MACROD2: variants seen among roughly 807,000 people sequenced by gnomAD.
The protein encoded by MACROD2 is mono-ADP ribosylhydrolase 2, also known as ADP-ribose glycohydrolase MACROD2.
Under a neutral mutation model 70.4 loss-of-function variants are expected in MACROD2, and 36 were observed. The observed-to-expected ratio is 0.51, with a 90% CI of 0.39 to 0.68. MACROD2 has a LOEUF of 0.68. MACROD2 is among the 30% of genes least tolerant of loss of function. The probability of loss-of-function intolerance (pLI) is 0.00; values close to 1 mark genes in which losing one functional copy is unlikely to be tolerated. For synonymous variants in MACROD2, 172 were observed against 178.8 expected (o/e 0.96, Z 0.30); for missense variants, 496 against 538.4 (o/e 0.92, Z 0.78).
In MACROD2 at chr20:15,841,892, A is replaced by G. The variant is rs148674508; in HGVS notation, c.646-20853A>G. Among the ~76,000 whole-genome samples, 238 of 152,302 alleles carry G rather than the reference A, an allele frequency of 1.6e-3. 3 individuals carry two copies. The highest frequency in any genetic ancestry group is 2.4e-3 in the Non-Finnish European group (163 of 68,018). ...TGCAAAAAATTAAACAAGAGGGTTC[A>G]GTTCTACCCCATTTCCTCTTATATA... On this transcript the variant is annotated intron_variant, in intron 8 of 17. Coordinates refer to ENST00000684519, the MANE Select transcript of MACROD2 (RefSeq NM_001351661.2).
At chr20:14,015,438 C>G (rs950309169) in intron 2 of MACROD2, among the ~76,000 whole-genome samples, 5 of 152,076 alleles carry the variant, frequency 3.3e-5, no homozygotes, top group Non-Finnish European at 7.4e-5. Context: ...TCAAAAAAAA[C>G]TGGTGGTGTG....
chr20:14,936,540 A>C (rs2423856), intron 5 of MACROD2, among the ~76,000 whole-genome samples: 9,260 of 152,148 alleles, frequency 0.061, 294 homozygotes, highest in African/African-American at 0.074. Flanking sequence ...GATAAACCAA[A>C]GCTTTACTAG....
Position 15,310,856 on chromosome 20 carries a change from C to G in MACROD2, c.540+80795C>G, listed in dbSNP as rs181770236. The stretch of plus-strand genomic sequence containing the variant: ...ACAGGAAGATCAACTATGGCTAGCC[C>G]GTTTGCACTATATCCCAAAGGAACC... On this transcript the variant is annotated intron_variant, in intron 6 of 17. Transcript: ENST00000684519. Among the ~76,000 whole-genome samples the G allele has an allele frequency of 2.0e-5, 3 of 152,198 alleles. No individual in the cohort carries two copies. The South Asian group carries it at 6.2e-4, about 32-fold the overall frequency.
chr20:14,563,129 C>A (rs944004003), intron 4 of MACROD2, among the ~76,000 whole-genome samples: 3 of 151,902 alleles, frequency 2.0e-5, no homozygotes, highest in East Asian at 2.0e-4. Context: ...CACATTCCAG[C>A]CCTCCTAATT....
chr20:15,975,150 T>G (rs2066287192), intron 13 of MACROD2, among the ~76,000 whole-genome samples: 1 of 152,116 alleles, frequency 6.6e-6, no homozygotes, highest in African/African-American at 2.4e-5. Flanking sequence ...TATGAAGAGA[T>G]GCCCTATCTC....
intron 6 of MACROD2, among the ~76,000 whole-genome samples, chr20:15,289,545 G>A (rs2077522935): frequency 2.0e-5 from 3 of 152,200 alleles, no homozygotes; most frequent in African/African-American, 4.8e-5. Flanking sequence ...TCGCACTTCA[G>A]GATGAAACAA....
chr20:14,074,363 C>G (rs190023244), intron 2 of MACROD2, among the ~76,000 whole-genome samples: 15 of 152,266 alleles, frequency 9.9e-5, no homozygotes, highest in Admixed American at 4.6e-4. Flanking sequence ...TCCTGGATCT[C>G]TCATCCAGGA....
intron 3 of MACROD2, among the ~76,000 whole-genome samples, chr20:14,333,510 A>G (rs528321915): frequency 6.8e-4 from 103 of 152,278 alleles, no homozygotes; most frequent in African/African-American, 2.3e-3. Context: ...GGTGAAGGTA[A>G]GTGGTGCAGA....
At chr20:15,995,161 A>G (rs1216568273) in intron 15 of MACROD2, among the ~76,000 whole-genome samples, 1 of 152,076 alleles carries the variant, frequency 6.6e-6, no homozygotes, top group Admixed American at 6.6e-5. Context: ...CACATTGTAT[A>G]ACTAAGAAAG....
chr20:15,253,820 T>A (rs2077175783), intron 6 of MACROD2, among the ~76,000 whole-genome samples: 1 of 152,202 alleles, frequency 6.6e-6, no homozygotes, highest in Non-Finnish European at 1.5e-5. Context: ...ATTGGAATAT[T>A]ACTTCAAATT....
rs186748744 is a variant in MACROD2 at position 14,997,248 on chromosome 20, C to G, written c.419-232692C>G. On this transcript the variant is annotated intron_variant, in intron 5 of 17. Coordinates refer to ENST00000684519, the MANE Select transcript of MACROD2 (RefSeq NM_001351661.2). ...AGTAAAATAAAGCACCAGGCAGAGT[C>G]CTGAGGCCCCCATTCTGGGCCCTAG... is the stretch of plus-strand genomic sequence containing the variant. Among the ~76,000 whole-genome samples, 570 of 152,280 alleles carry G rather than the reference C, an allele frequency of 3.7e-3. 4 individuals carry two copies. Among genetic ancestry groups the G allele is most frequent in the African/African-American group, 0.013 (552 of 41,536 alleles).
intron 8 of MACROD2, among the ~76,000 whole-genome samples, chr20:15,743,873 T>G (rs2146968699): frequency 6.6e-6 from 1 of 152,312 alleles, no homozygotes; most frequent in Non-Finnish European, 1.5e-5. Context: ...GAATATCAAC[T>G]TATACAAAAA....
chr20:14,910,701 C>A (rs1005218452), intron 5 of MACROD2, among the ~76,000 whole-genome samples: 1 of 152,148 alleles, frequency 6.6e-6, no homozygotes, highest in Admixed American at 6.5e-5. Context: ...ACTGCTCTTT[C>A]TTTGCATCTT....
In MACROD2 at chr20:14,366,202, T is replaced by A. The variant is rs575122021; in HGVS notation, c.272-127277T>A. On this transcript the variant is annotated intron_variant, in intron 3 of 17. Transcript: ENST00000684519. ...TTTATTGTTAAAAGCAGTGCATGGA[T>A]GTCTTCCACGATTATTGTATAATTG... 5.3e-5 allele frequency among the ~76,000 whole-genome samples: 8 copies of A among 152,288 alleles called. No individual in the cohort carries two copies. In the South Asian group the frequency reaches 1.7e-3, roughly 32 times the overall value.
At chr20:15,939,239 A>C (rs531773924) in intron 12 of MACROD2, among the ~76,000 whole-genome samples, 1 of 152,336 alleles carries the variant, frequency 6.6e-6, no homozygotes, top group South Asian at 2.1e-4. Context: ...CTTCTATTGG[A>C]TGATGAGGCC....
intron 3 of MACROD2, among the ~76,000 whole-genome samples, chr20:14,475,437 TTGTC>T (rs1200835659): frequency 6.6e-6 from 1 of 152,222 alleles, no homozygotes; most frequent in African/African-American, 2.4e-5. Flanking sequence ...TAAGTCTAGT[TTGTC>T]TGCAAAGTTA....
intron 5 of MACROD2, among the ~76,000 whole-genome samples, chr20:15,224,508 GTC>G (rs1193765459): frequency 6.6e-6 from 1 of 152,124 alleles, no homozygotes; most frequent in Admixed American, 6.5e-5. Flanking sequence ...ACATTATTCT[GTC>G]TCTCTGGGTT....
At chr20:15,350,320 C>G (rs922779798) in intron 6 of MACROD2, among the ~76,000 whole-genome samples, 1 of 152,134 alleles carries the variant, frequency 6.6e-6, no homozygotes, top group Non-Finnish European at 1.5e-5. Flanking sequence ...GAAGCTCAAG[C>G]AAAAATTAAT....
intron 8 of MACROD2, among the ~76,000 whole-genome samples, chr20:15,751,419 G>T (rs535252935): frequency 2.6e-5 from 4 of 152,052 alleles, no homozygotes; most frequent in Non-Finnish European, 5.9e-5. Flanking sequence ...TATGTAGCTA[G>T]AAGTATGCAC....
Sources: gnomAD v4.1 joint callset for allele counts (sites outside exome capture counted in the v4.1 genomes callset) on GRCh38, gnomAD v4.1.1 for gene constraint, MANE v1.5 for transcripts, NCBI Gene and HGNC (gene_info 2026-07-23, HGNC 2026-07-21) for gene names.